Variants in CPA6 observed in about 807,000 individuals in gnomAD.
The protein encoded by CPA6 is carboxypeptidase B.
CPA6 carries 58 observed loss-of-function variants against 63.3 expected under a neutral mutation model. The observed-to-expected ratio is 0.92, with a 90% CI of 0.74 to 1.14. The LOEUF (loss-of-function observed/expected upper bound fraction) is 1.14, where lower values mean the gene tolerates loss of function less well. Ranked by LOEUF, CPA6 falls within the 50% of genes most tolerant of loss-of-function variation. CPA6 has a pLI of 0.00. For missense variants in CPA6, 565 were observed against 526.6 expected, an observed-to-expected ratio of 1.07 and a Z score of -0.71; for synonymous variants, 185 against 179.0, an observed-to-expected ratio of 1.03 and a Z score of -0.27.
At chr8:67,426,691 C>T (rs1260661545) in intron 10 of CPA6, among the ~76,000 whole-genome samples, 2 of 152,168 alleles carry the variant, frequency 1.3e-5, no homozygotes, top group Non-Finnish European at 2.9e-5. Context: ...GAGAACTTTG[C>T]TACCTTAATC....
intron 1 of CPA6, among the ~76,000 whole-genome samples, chr8:67,632,950 G>C (rs1027587548): frequency 2.0e-5 from 3 of 152,122 alleles, no homozygotes; most frequent in Non-Finnish European, 2.9e-5. Context: ...TTGATTATAT[G>C]ATTTTCATTT....
chr8:67,429,117 C>T (rs1422000203), intron 9 of CPA6, among the ~76,000 whole-genome samples: 4 of 152,150 alleles, frequency 2.6e-5, no homozygotes, highest in South Asian at 4.1e-4. Flanking sequence ...CTCATGACTT[C>T]TCAGGTTACA....
chr8:67,594,523 A>G (rs1223972563), intron 2 of CPA6, among the ~76,000 whole-genome samples: 3 of 152,178 alleles, frequency 2.0e-5, no homozygotes, highest in African/African-American at 7.2e-5. Flanking sequence ...AGGTACAACA[A>G]TCAGGACGCA....
chr8:67,431,881 T>C (rs1047474888), intron 9 of CPA6, among the ~76,000 whole-genome samples: 7 of 152,188 alleles, frequency 4.6e-5, no homozygotes, highest in African/African-American at 1.4e-4. Flanking sequence ...GTCTTAGACA[T>C]CTAGATCAGA....
intron 2 of CPA6, among the ~76,000 whole-genome samples, chr8:67,540,754 G>A (rs1244854099): frequency 6.6e-6 from 1 of 152,240 alleles, no homozygotes; most frequent in African/African-American, 2.4e-5. Context: ...TTGCAGAGCT[G>A]TGGTGGGCTC....
At chr8:67,532,514 A>G (rs1051410545) in intron 2 of CPA6, among the ~76,000 whole-genome samples, 2 of 151,976 alleles carry the variant, frequency 1.3e-5, no homozygotes, top group African/African-American at 4.8e-5. Flanking sequence ...CTATCTCTAC[A>G]AAACAAAAAA....
intron 8 of CPA6, among the ~76,000 whole-genome samples, chr8:67,476,634 C>A (rs141575259): frequency 3.2e-4 from 49 of 151,364 alleles, no homozygotes; most frequent in Non-Finnish European, 5.7e-4. Flanking sequence ...TGCTCTTCTG[C>A]AGTTACACAT....
intron 2 of CPA6, among the ~76,000 whole-genome samples, chr8:67,595,317 C>T (rs1814296645): frequency 6.6e-6 from 1 of 152,188 alleles, no homozygotes; most frequent in African/African-American, 2.4e-5. Context: ...CATTAGGCTG[C>T]TCGGGGGTCA....
At chr8:67,511,766 A>G (rs1023834059) in intron 3 of CPA6, 111 bp from the exon 4 acceptor site, 2 of 670,292 alleles carry the variant, frequency 3.0e-6, no homozygotes, top group Middle Eastern at 2.5e-4. Context: ...GTGGTGATCA[A>G]TATTCCTAAA....
chr8:67,553,316 G>C (rs1169332239), intron 2 of CPA6, among the ~76,000 whole-genome samples: 2 of 152,180 alleles, frequency 1.3e-5, no homozygotes, highest in East Asian at 3.8e-4. Context: ...CATGATAACT[G>C]CTGGGGATAC....
At chr8:67,519,174 A>G (rs1434594366) in intron 2 of CPA6, among the ~76,000 whole-genome samples, 1 of 152,196 alleles carries the variant, frequency 6.6e-6, no homozygotes, top group Non-Finnish European at 1.5e-5. Flanking sequence ...CTGTTTCCTT[A>G]CTATAGTGTC....
At chr8:67,585,061 T>A (rs1813889348) in intron 2 of CPA6, among the ~76,000 whole-genome samples, 2 of 152,320 alleles carry the variant, frequency 1.3e-5, no homozygotes, top group East Asian at 3.9e-4. Flanking sequence ...GGAAAACTCA[T>A]TCATGTTAGG....
chr8:67,545,563 C>CTTTTT (rs35213871), intron 2 of CPA6, among the ~76,000 whole-genome samples: 30 of 80,468 alleles, frequency 3.7e-4, no homozygotes, highest in Non-Finnish European at 4.8e-4. Context: ...GCTACTGTTA[C>CTTTTT]TTTTTTTTTT....
chr8:67,733,844 G>GT (rs1416798177), intron 1 of CPA6, among the ~76,000 whole-genome samples: 6 of 78,728 alleles, frequency 7.6e-5, no homozygotes, highest in Admixed American at 5.4e-4. Context: ...ATGCTGCATC[G>GT]TCTTTTTTTT....
chr8:67,435,599 T>C (rs12334853), intron 8 of CPA6, among the ~76,000 whole-genome samples: 33,542 of 151,640 alleles, frequency 0.22, 3,892 homozygotes, highest in African/African-American at 0.28. Flanking sequence ...TGGAGCTGCC[T>C]GACTCAGTGT....
chr8:67,606,329 A>G (rs1333369890), intron 2 of CPA6, among the ~76,000 whole-genome samples: 4 of 152,000 alleles, frequency 2.6e-5, no homozygotes, highest in Non-Finnish European at 5.9e-5. Context: ...CATATACCCT[A>G]AAAAGTATAA....
intron 1 of CPA6, among the ~76,000 whole-genome samples, chr8:67,694,079 A>G (rs1158201182): frequency 6.6e-6 from 1 of 152,216 alleles, no homozygotes; most frequent in Non-Finnish European, 1.5e-5. Flanking sequence ...ATTTGGGTGT[A>G]TTACTCTGAC....
intron 2 of CPA6, among the ~76,000 whole-genome samples, chr8:67,622,480 T>C (rs1815104476): frequency 6.6e-6 from 1 of 152,130 alleles, no homozygotes; most frequent in Non-Finnish European, 1.5e-5. Flanking sequence ...AACCACAATT[T>C]GGGGATGGGT....
rs193059394 is a variant in CPA6, at chr8:67,477,159, C to T, written c.838+6609G>A. 2.2e-3 allele frequency among the ~76,000 whole-genome samples: 327 copies of T among 151,742 alleles called. 1 individual carries two copies. The highest frequency in any genetic ancestry group is 3.7e-3 in the Admixed American group (57 of 15,218). On this transcript the variant is annotated intron_variant, in intron 8 of 10. Coordinates refer to ENST00000297770, the MANE Select transcript of CPA6 (RefSeq NM_020361.5). ...CAAAAAAATTAGTTGGGAGTGGTGGCGGGCACCTGTAGTCCCAGCTACTTG... is the reference window on the plus strand; with the variant it reads ...CAAAAAAATTAGTTGGGAGTGGTGGTGGGCACCTGTAGTCCCAGCTACTTG...
Sources: allele counts gnomAD v4.1 joint callset (sites outside exome capture counted in the v4.1 genomes callset), GRCh38; gene constraint gnomAD v4.1.1; transcripts MANE v1.5; gene names NCBI Gene and HGNC (gene_info 2026-07-23, HGNC 2026-07-21).